The following ZNF320 variants were observed in gnomAD, a reference collection of about 807,000 sequenced individuals.
The protein encoded by ZNF320 is zinc finger protein 320, also known as zinc finger gene 320.
Under a neutral mutation model 6.8 loss-of-function variants are expected in ZNF320, and 2 were observed. That is an observed-to-expected ratio of 0.29 (90% confidence interval 0.12 to 0.93). The LOEUF (loss-of-function observed/expected upper bound fraction) is 0.93. ZNF320 is among the 40% of genes least tolerant of loss of function. ZNF320 has a pLI of 0.55. For synonymous variants in ZNF320, 208 were observed against 203.2 expected, an observed-to-expected ratio of 1.02 and a Z score of -0.20; for missense variants, 472 against 611.0, an observed-to-expected ratio of 0.77 and a Z score of 2.40.
intron 5 of ZNF320, among the ~76,000 whole-genome samples, chr19:52,887,019 A>C (rs2147850165): frequency 7.5e-6 from 1 of 132,936 alleles, no homozygotes; most frequent in East Asian, 2.0e-4. Context: ...AAGAAAAAAC[A>C]AAACAAAAGA....
At chr19:52,882,720 A>G (rs1444631695) in intron 5 of ZNF320, among the ~76,000 whole-genome samples, 1 of 152,208 alleles carries the variant, frequency 6.6e-6, no homozygotes, top group Non-Finnish European at 1.5e-5. Context: ...AGGCAGGCAC[A>G]TCGCCTCAGG....
upstream of ZNF320, among the ~76,000 whole-genome samples, chr19:52,901,224 A>T (rs1382646225): frequency 6.6e-6 from 1 of 152,216 alleles, no homozygotes. Context: ...TGGTACACTT[A>T]TAATAACTAT....
Position 52,880,825 on chromosome 19 carries a change from ATCC to A in ZNF320, c.1298_1300del (p.Arg433del). The A allele has an allele frequency of 1.2e-6, 2 of 1,613,956 alleles. No individual in the cohort carries two copies. Among genetic ancestry groups the A allele is most frequent in the Non-Finnish European group, 1.7e-6 (2 of 1,179,856 alleles). ...CTTGTGAGGTTTCTCTCCTGTATGA[ATCC>A]TCCTATGTCTTTCAAGGTGTGATTT... On this transcript the variant is annotated inframe_deletion, in exon 6 of 6. Coordinates refer to ENST00000682928, the MANE Select transcript of ZNF320 (RefSeq NM_001351774.2).
Position 52,890,283 on chromosome 19 carries a change from C to T in ZNF320, c.-28G>A. The T allele has an allele frequency of 6.2e-7, 1 of 1,605,594 alleles. No homozygotes were observed. Among genetic ancestry groups the T allele is most frequent in the East Asian group, 2.2e-5 (1 of 44,856 alleles). ...CCGACTCCTTTGCTTTCCTCTTCCT[C>T]TTCTGGGTTTCTTCCTCAGGTACCA... On this transcript the variant is annotated 5_prime_UTR_variant, in exon 4 of 6. Transcript: ENST00000682928.
intron 4 of ZNF320, 46 bp downstream of exon 4, chr19:52,890,195 T>A (rs1370943008): frequency 3.1e-6 from 5 of 1,601,352 alleles, no homozygotes; most frequent in Non-Finnish European, 4.2e-6. Context: ...CGCCAGCATT[T>A]CTGAAAGGAA....
intron 5 of ZNF320, among the ~76,000 whole-genome samples, chr19:52,887,123 G>C (rs780078791): frequency 3.4e-4 from 52 of 152,146 alleles, no homozygotes; most frequent in African/African-American, 2.7e-4. Flanking sequence ...CTTTTCTTTT[G>C]CCACAGAATT....
chr19:52,868,493 C>T (rs8105569), intron 5 of ZNF320, among the ~76,000 whole-genome samples: 8 of 146,954 alleles, frequency 5.4e-5, no homozygotes, highest in African/African-American at 2.0e-4. Context: ...GCAAGAAGAG[C>T]GAAACTCTGT....
chr19:52,879,579 T>C lies in ZNF320; in HGVS notation c.*1017A>G, dbSNP rs1026532053. 9.8e-5 allele frequency: 15 copies of C among 152,512 alleles called. No individual in the cohort carries two copies. Among genetic ancestry groups the C allele is most frequent in the African/African-American group, 3.1e-4 (13 of 41,452 alleles). The allele number at this position is 152,512 out of a possible 1,614,324, so 9.4% of individuals were successfully genotyped here. ...CTCACCCCTTCTATTCAATCAATAC[T>C]GGCTGTCCTAGCTAGAGCAATGAAA... On this transcript the variant is annotated 3_prime_UTR_variant, in exon 6 of 6. Coordinates refer to ENST00000682928, the MANE Select transcript of ZNF320 (RefSeq NM_001351774.2).
At chr19:52,872,665 C>A (rs78314178), downstream of ZNF320, among the ~76,000 whole-genome samples, 1,446 of 152,238 alleles carry the variant, frequency 9.5e-3, 32 homozygotes, top group African/African-American at 0.033. Context: ...CCGGGCCCGG[C>A]TAATTTTTTC....
chr19:52,873,858 G>T, downstream of ZNF320: 2 of 291,426 alleles, frequency 6.9e-6, no homozygotes. Flanking sequence ...GACAAGGACT[G>T]AGAAAAGGCA....
chr19:52,892,891 T>C (rs1321675345), intron 2 of ZNF320, among the ~76,000 whole-genome samples: 1 of 150,202 alleles, frequency 6.7e-6, no homozygotes, highest in Admixed American at 6.6e-5. Flanking sequence ...TCCCTCACTC[T>C]GATGAGACTC....
downstream of ZNF320, among the ~76,000 whole-genome samples, chr19:52,873,111 A>C (rs11084201): frequency 6.6e-6 from 1 of 151,900 alleles, no homozygotes; most frequent in Non-Finnish European, 1.5e-5. Flanking sequence ...GAGACATTCC[A>C]TTCCCAGGGA....
chr19:52,892,953 C>A (rs906763910), intron 2 of ZNF320, among the ~76,000 whole-genome samples: 3 of 152,006 alleles, frequency 2.0e-5, no homozygotes, highest in African/African-American at 7.2e-5. Context: ...CTCTGTACAT[C>A]TAGCTTTTCT....
downstream of ZNF320, among the ~76,000 whole-genome samples, chr19:52,874,789 G>C (rs1297211632): frequency 6.6e-6 from 1 of 152,188 alleles, no homozygotes; most frequent in Non-Finnish European, 1.5e-5. Context: ...AGAAAAAAGT[G>C]ATGTCAGAAC....
At chr19:52,889,107 C>G (rs890407711) in intron 4 of ZNF320, among the ~76,000 whole-genome samples, 2 of 151,892 alleles carry the variant, frequency 1.3e-5, no homozygotes, top group African/African-American at 4.8e-5. Flanking sequence ...TTACTTGAAC[C>G]TGGGCGGCGG....
chr19:52,865,488 C>T (rs1482705439), intron 5 of ZNF320: 12 of 130,466 alleles, frequency 9.2e-5, no homozygotes, highest in African/African-American at 2.9e-4. Flanking sequence ...ATATATAATA[C>T]ATATATATTA....
chr19:52,878,247 T>C lies in ZNF320; in HGVS notation c.*2349A>G, dbSNP rs1452038165. 4.9e-4 allele frequency: 44 copies of C among 90,424 alleles called. No individual in the cohort carries two copies. The highest frequency in any genetic ancestry group is 9.5e-4 in the Non-Finnish European group (36 of 38,090). 5.6% of individuals were successfully genotyped at this position (90,424 alleles called of 1,614,324 possible). A position where few individuals can be genotyped will look rare whatever the true frequency, so the allele number is the denominator to read the frequency against. The stretch of plus-strand genomic sequence containing the variant: ...CCACTCTGTGCATCACTTTCTTTTT[T>C]TTTTTTTTTTTTTTTTTTTTGAGAT... On this transcript the variant is annotated 3_prime_UTR_variant, in exon 6 of 6. Coordinates refer to ENST00000682928, the MANE Select transcript of ZNF320 (RefSeq NM_001351774.2).
upstream of ZNF320, among the ~76,000 whole-genome samples, chr19:52,898,035 A>C (rs1187831228): frequency 2.0e-5 from 3 of 152,222 alleles, no homozygotes; most frequent in Admixed American, 6.5e-5. Context: ...GGACCCAGGA[A>C]AGTTCCTTGC....
chr19:52,871,976 A>G (rs2063688774), downstream of ZNF320, among the ~76,000 whole-genome samples: 1 of 152,154 alleles, frequency 6.6e-6, no homozygotes, highest in Non-Finnish European at 1.5e-5. Context: ...CTTCGTCTTC[A>G]TTACTGTTTC....
Sources: allele counts gnomAD v4.1 joint callset (sites outside exome capture counted in the v4.1 genomes callset), GRCh38; gene constraint gnomAD v4.1.1; transcripts MANE v1.5; gene names NCBI Gene and HGNC (gene_info 2026-07-23, HGNC 2026-07-21).